ACSM2A: variants seen among roughly 807,000 people sequenced by gnomAD.
ACSM2A encodes the protein acyl-CoA synthetase medium chain family member 2A.
ACSM2A carries 72 observed loss-of-function variants against 76.6 expected under a neutral mutation model. The ratio of observed to expected loss-of-function variants is 0.94; its 90% confidence interval spans 0.78 to 1.14. The LOEUF (loss-of-function observed/expected upper bound fraction) is 1.14. Ranked by LOEUF, ACSM2A falls within the 50% of genes most tolerant of loss-of-function variation. The probability of loss-of-function intolerance (pLI) is 0.00; values close to 1 mark genes in which losing one functional copy is unlikely to be tolerated. For synonymous variants in ACSM2A, 249 were observed against 255.9 expected, an observed-to-expected ratio of 0.97 and a Z score of 0.26; for missense variants, 684 against 708.5, an observed-to-expected ratio of 0.97 and a Z score of 0.39.
rs544024723 is a variant in ACSM2A, at chr16:20,481,762, AG to A, written c.1509+843del. On this transcript the variant is annotated intron_variant, in intron 12 of 13. Coordinates refer to ENST00000573854, the MANE Select transcript of ACSM2A (RefSeq NM_001308172.2). ...AACACACACAAATTATAAATACTCA[AG>A]GTGATGGACACCCCAAGTATCCTAA... is the stretch of plus-strand genomic sequence containing the variant. 8.4e-5 allele frequency: 12 copies of A among 142,680 alleles called. No homozygotes were observed. In the East Asian group the frequency reaches 2.6e-3, roughly 31 times the overall value. The allele number at this position is 142,680 out of a possible 1,614,324, so 8.8% of individuals were successfully genotyped here.
chr16:20,459,876 G>A (rs2012495514), intron 1 of ACSM2A, among the ~76,000 whole-genome samples: 1 of 152,204 alleles, frequency 6.6e-6, no homozygotes, highest in South Asian at 2.1e-4. Context: ...ACTGTCAGAA[G>A]TGTTGAAGAT....
intron 1 of ACSM2A, among the ~76,000 whole-genome samples, chr16:20,459,625 C>T (rs921095599): frequency 2.0e-5 from 3 of 152,226 alleles, no homozygotes; most frequent in East Asian, 1.9e-4. Context: ...TCTGATGAAC[C>T]GTAGAATCCC....
chr16:20,480,650 T>C lies in ACSM2A; in HGVS notation c.1359T>C (p.Asp453=). The change falls in exon 11 of 14, where the codon GAT becomes GAC. Residue 453 remains aspartate (D), a synonymous_variant. Transcript: ENST00000573854. The stretch of plus-strand genomic sequence containing the variant: ...GAGACCGGGGAATCAAAGATGAAGA[T>C]GGGTATTTCCAGTTTATGGGACGGG... ...LLGDRGIKDE[D]GYFQFMGRAN... The C allele has an allele frequency of 6.2e-7, 1 of 1,608,388 alleles. No individual in the cohort carries two copies. Among genetic ancestry groups the C allele is most frequent in the Non-Finnish European group, 8.5e-7 (1 of 1,176,152 alleles).
chr16:20,485,799 T>C (rs549826948), intron 13 of ACSM2A, among the ~76,000 whole-genome samples: 211 of 152,286 alleles, frequency 1.4e-3, no homozygotes, highest in Non-Finnish European at 2.6e-3. Flanking sequence ...TTAAAGTTAA[T>C]AAAGGGTTAA....
intron 2 of ACSM2A, among the ~76,000 whole-genome samples, chr16:20,461,401 T>C (rs2012615925): frequency 6.6e-6 from 1 of 152,200 alleles, no homozygotes. Context: ...AGGAAGGCCC[T>C]TTAAATATTC....
At chr16:20,469,422 C>A in intron 3 of ACSM2A, 90 bp from the exon 4 acceptor site, 8 of 1,578,428 alleles carry the variant, frequency 5.1e-6, no homozygotes, top group Non-Finnish European at 6.9e-6. Context: ...TCTCCTTCCC[C>A]ACTTGCTCGC....
intron 10 of ACSM2A, among the ~76,000 whole-genome samples, chr16:20,479,677 G>C (rs538187611): frequency 6.6e-6 from 1 of 152,144 alleles, no homozygotes; most frequent in Non-Finnish European, 1.5e-5. Flanking sequence ...CCTTTGTGTG[G>C]TCCCACTCTA....
chr16:20,453,887 A>T (rs1158426114), intron 1 of ACSM2A: 2 of 128,538 alleles, frequency 1.6e-5, no homozygotes, highest in Non-Finnish European at 3.2e-5. Flanking sequence ...GGATTGGGAA[A>T]TTCCAGCCGG....
At chr16:20,470,815 G>C (rs368848293) in intron 4 of ACSM2A, 1 of 646,786 alleles carries the variant, frequency 1.5e-6, no homozygotes, top group Non-Finnish European at 2.8e-6. Flanking sequence ...TTTTTTTGCA[G>C]ATATAAAGTC....
At chr16:20,458,247 TC>T (rs1344393698) in intron 1 of ACSM2A, among the ~76,000 whole-genome samples, 1 of 150,270 alleles carries the variant, frequency 6.7e-6, no homozygotes, top group African/African-American at 2.4e-5. Flanking sequence ...ATATACAAAT[TC>T]AGTGCAATTC....
Position 20,460,105 on chromosome 16 carries a change from A to C in ACSM2A, c.-8-2A>C. On this transcript the variant is annotated splice_acceptor_variant, in intron 1 of 13. Transcript: ENST00000573854. LOFTEE classifies it low-confidence loss of function (5UTR_SPLICE). ...CACCTGTGTCTCTTCTTTCTTTTAC[A>C]GGCCTGAATATGCATTGGCTGCGAA... 4 of 1,602,600 alleles carry C rather than the reference A, an allele frequency of 2.5e-6. No individual in the cohort carries two copies. The highest frequency in any genetic ancestry group is 1.1e-5 in the South Asian group (1 of 89,820).
rs1383393998 is a variant in ACSM2A, at chr16:20,454,717, G to A, written c.-9+3036G>A. ...AGCCTACCCAAATGAGAAGGAACCA[G>A]GAAAACGATTCTGGGAATATGACAA... On this transcript the variant is annotated intron_variant, in intron 1 of 13. Coordinates refer to ENST00000573854, the MANE Select transcript of ACSM2A (RefSeq NM_001308172.2). Among the ~76,000 whole-genome samples, 6 of 151,878 alleles carry A rather than the reference G, an allele frequency of 4.0e-5. No homozygotes were observed. The South Asian group carries it at 8.3e-4, about 21-fold the overall frequency.
intron 10 of ACSM2A, among the ~76,000 whole-genome samples, chr16:20,479,859 C>G (rs1027658613): frequency 6.6e-6 from 1 of 152,200 alleles, no homozygotes; most frequent in Non-Finnish European, 1.5e-5. Context: ...TCAGTTCTAC[C>G]TTCTGTAATG....
intron 13 of ACSM2A, among the ~76,000 whole-genome samples, chr16:20,484,664 T>C (rs1019978829): frequency 6.7e-6 from 1 of 149,514 alleles, no homozygotes; most frequent in African/African-American, 2.5e-5. Context: ...TGTGACTTAG[T>C]CTCAATGGGA....
At chr16:20,476,662 G>C in intron 8 of ACSM2A, 1 of 986,924 alleles carries the variant, frequency 1.0e-6, no homozygotes, top group Non-Finnish European at 1.2e-6. Flanking sequence ...CTTCTGAGGT[G>C]GGTGGATAAA....
At chr16:20,485,085 A>G (rs1223043628) in intron 13 of ACSM2A, among the ~76,000 whole-genome samples, 1 of 152,154 alleles carries the variant, frequency 6.6e-6, no homozygotes, top group Admixed American at 6.5e-5. Flanking sequence ...CCCTTCACAG[A>G]TTGTTAAGGA....
intron 1 of ACSM2A, among the ~76,000 whole-genome samples, chr16:20,456,592 T>G (rs544032881): frequency 2.6e-5 from 4 of 151,530 alleles, no homozygotes; most frequent in Admixed American, 1.3e-4. Context: ...TTTAAAAATT[T>G]CTCACACTGA....
intron 9 of ACSM2A, among the ~76,000 whole-genome samples, chr16:20,477,815 A>G (rs2013839610): frequency 6.6e-6 from 1 of 152,210 alleles, no homozygotes; most frequent in Admixed American, 6.5e-5. Context: ...ATTAATGCCA[A>G]CCTGCAGCAT....
chr16:20,473,344 T>C (rs1243878494), intron 6 of ACSM2A, among the ~76,000 whole-genome samples: 1 of 151,986 alleles, frequency 6.6e-6, no homozygotes, highest in Non-Finnish European at 1.5e-5. Flanking sequence ...ATTAAAAAAA[T>C]GAAAACAGAC....
Sources: gnomAD v4.1 joint callset for allele counts (sites outside exome capture counted in the v4.1 genomes callset) on GRCh38, gnomAD v4.1.1 for gene constraint, MANE v1.5 for transcripts, NCBI Gene and HGNC (gene_info 2026-07-23, HGNC 2026-07-21) for gene names.